RET: variants seen among roughly 807,000 people sequenced by gnomAD.
The protein encoded by RET is proto-oncogene tyrosine-protein kinase receptor Ret.
Under a neutral mutation model 118.3 loss-of-function variants are expected in RET, and 19 were observed. That is an observed-to-expected ratio of 0.16 (90% CI 0.11 to 0.24). The LOEUF is 0.24. Among genes scored for constraint, RET ranks in the 10% least tolerant of loss-of-function variants. The pLI is 1.00. For missense variants in RET, 1,219 were observed against 1,502.1 expected, an observed-to-expected ratio of 0.81 and a Z score of 3.12; for synonymous variants, 597 against 644.1, an observed-to-expected ratio of 0.93 and a Z score of 1.11.
rs2132941687 is a variant in RET, at chr10:43,119,516, T to C, written c.2393-15T>C. The C allele has an allele frequency of 6.3e-7, 1 of 1,584,598 alleles. No homozygotes were observed. Among genetic ancestry groups the C allele is most frequent in the Non-Finnish European group, 8.6e-7 (1 of 1,169,344 alleles). On this transcript the variant is annotated splice_polypyrimidine_tract_variant and intron_variant, in intron 13 of 19. Transcript: ENST00000355710. ...CCTGACCCGCACGCCCAGGGCCCCC[T>C]CTCTCCGCCCCCAGGCCCGCTCCTC...
chr10:43,127,930 A>G (rs1331444935), intron 19 of RET, among the ~76,000 whole-genome samples, 182 bp from the exon 20 acceptor site: 2 of 152,248 alleles, frequency 1.3e-5, no homozygotes, highest in Admixed American at 6.5e-5. Context: ...AAGAGAGCAC[A>G]TGATATTTCC....
chr10:43,079,605 G>C (rs1251490358), intron 1 of RET, among the ~76,000 whole-genome samples: 1 of 152,216 alleles, frequency 6.6e-6, no homozygotes, highest in Admixed American at 6.5e-5. Flanking sequence ...CAGCTCCTCA[G>C]CAAGCCTCTT....
intron 13 of RET, among the ~76,000 whole-genome samples, chr10:43,119,169 C>T (rs1838143512): frequency 6.6e-6 from 1 of 152,148 alleles, no homozygotes; most frequent in South Asian, 2.1e-4. Context: ...TCTGCGCAGG[C>T]CTCTGCCTCC....
At position 43,090,663 on chromosome 10, in the gene RET, T is replaced by TA. The variant is rs1486343360; in HGVS notation, c.74-9795dup. On this transcript the variant is annotated intron_variant, in intron 1 of 19. Transcript: ENST00000355710. ...ACAAACACAATCCAGGCCACTTTAT[T>TA]ATTATTTATTTCTTATTATATTTAT... Among the ~76,000 whole-genome samples, 16 of 152,162 alleles carry TA rather than the reference T, an allele frequency of 1.1e-4. No individual in the cohort carries two copies. In the East Asian group the frequency reaches 2.9e-3, roughly 28 times the overall value.
chr10:43,122,220 G>A (rs1053717898), intron 16 of RET, among the ~76,000 whole-genome samples: 4 of 152,156 alleles, frequency 2.6e-5, no homozygotes, highest in Non-Finnish European at 1.5e-5. Context: ...GGGCCAGGCC[G>A]GGCTGCAGTT....
At chr10:43,125,571 G>T (rs1438141553) in intron 18 of RET, among the ~76,000 whole-genome samples, 2 of 152,208 alleles carry the variant, frequency 1.3e-5, no homozygotes, top group African/African-American at 2.4e-5. Flanking sequence ...CATATCGGGG[G>T]GTGGCCAGAG....
At chr10:43,120,943 GAAA>G (rs752171952) in intron 15 of RET, among the ~76,000 whole-genome samples, 7 of 89,452 alleles carry the variant, frequency 7.8e-5, no homozygotes, top group East Asian at 2.6e-4. Context: ...AGAAGAAGAA[GAAA>G]AAAAAAAACC....
intron 1 of RET, among the ~76,000 whole-genome samples, chr10:43,097,043 C>T (rs990804487): frequency 6.6e-6 from 1 of 152,238 alleles, no homozygotes; most frequent in African/African-American, 2.4e-5. Context: ...CCACAAATCC[C>T]TTTTGGCAGC....
intron 7 of RET, 148 bp from the exon 8 acceptor site, chr10:43,111,951 C>G (rs1342142197): frequency 1.2e-5 from 14 of 1,154,798 alleles, no homozygotes; most frequent in Admixed American, 4.0e-5. Flanking sequence ...GCTCCTGGCA[C>G]TGTCTTTGCT....
Position 43,128,269 on chromosome 10 carries a change from A to G in RET, c.3345A>G (p.Ter1115=). The G allele has an allele frequency of 6.2e-7, 1 of 1,614,198 alleles. No individual in the cohort carries two copies. Among genetic ancestry groups the G allele is most frequent in the African/African-American group, 1.3e-5 (1 of 75,050 alleles). Residue 1115 remains the stop codon, a stop_retained_variant, in exon 20 of 20, where the codon TAA becomes TAG. Coordinates refer to ENST00000355710, the MANE Select transcript of RET (RefSeq NM_020975.6). ...AATTAATGGACACGTTTGATAGTTA[A>G]CATTTCTTTGTGAAAGGTAATGGAC... ...AAKLMDTFDS[*] is the part of the protein sequence containing the mutation.
chr10:43,105,426 G>A (rs1837748043), intron 4 of RET, among the ~76,000 whole-genome samples: 1 of 152,102 alleles, frequency 6.6e-6, no homozygotes, highest in South Asian at 2.1e-4. Context: ...AGGCCCGAGG[G>A]CTCGCGTCTG....
intron 1 of RET, among the ~76,000 whole-genome samples, chr10:43,083,289 C>T (rs1837223533): frequency 6.6e-6 from 1 of 152,230 alleles, no homozygotes; most frequent in South Asian, 2.1e-4. Context: ...CCGGGAAAGC[C>T]TCAAATTGTC....
At chr10:43,093,233 A>C (rs1387119777) in intron 1 of RET, among the ~76,000 whole-genome samples, 1 of 152,088 alleles carries the variant, frequency 6.6e-6, no homozygotes, top group Non-Finnish European at 1.5e-5. Context: ...AGAGGGTGCC[A>C]TGATTCAGTG....
Position 43,111,378 on chromosome 10 carries a change from G to A in RET, c.1435G>A (p.Ala479Thr), listed in dbSNP as rs2132772567. 6.2e-7 allele frequency: 1 copy of A among 1,614,042 alleles called. No individual in the cohort carries two copies. The highest frequency in any genetic ancestry group is 8.5e-7 in the Non-Finnish European group (1 of 1,180,042). The change falls in exon 7 of 20, where the codon GCC becomes ACC. Residue 479 changes from alanine (A) to threonine (T), a missense_variant. This residue lies in a region of RET where 850 missense variants were observed against 969.6 expected (regional missense o/e 0.88). Transcript: ENST00000355710. ...CAAGGCCCTGCGGCGGCCCAAGTGT[G>A]CCGAACTTCACTACATGGTGGTGGC... ...DTKALRRPKC[A>T]ELHYMVVATD...
intron 1 of RET, among the ~76,000 whole-genome samples, chr10:43,099,116 A>T (rs1374268788): frequency 2.0e-5 from 3 of 152,148 alleles, no homozygotes; most frequent in Non-Finnish European, 4.4e-5. Context: ...GCTTGGGCTC[A>T]CTCAGCCACA....
chr10:43,085,008 C>T (rs1837260250), intron 1 of RET, among the ~76,000 whole-genome samples: 1 of 152,206 alleles, frequency 6.6e-6, no homozygotes, highest in South Asian at 2.1e-4. Flanking sequence ...TGATTATCAT[C>T]ATTGCCGTGG....
At chr10:43,100,995 T>A (rs1837631598) in intron 2 of RET, among the ~76,000 whole-genome samples, 1 of 152,132 alleles carries the variant, frequency 6.6e-6, no homozygotes, top group South Asian at 2.1e-4. Flanking sequence ...CCTCTTCCAG[T>A]GGGGCTAAAA....
intron 12 of RET, among the ~76,000 whole-genome samples, chr10:43,117,565 C>T (rs957918054): frequency 4.6e-5 from 7 of 152,216 alleles, no homozygotes; most frequent in African/African-American, 1.7e-4. Context: ...GGACAGCTGA[C>T]CTGGGAGGGA....
At chr10:43,126,111 T>TG (rs1838322793) in intron 18 of RET, among the ~76,000 whole-genome samples, 1 of 152,058 alleles carries the variant, frequency 6.6e-6, no homozygotes, top group African/African-American at 2.4e-5. Flanking sequence ...CAGGGGTCCT[T>TG]GGGGAAAGCT....
Sources: gnomAD v4.1 joint callset for allele counts (sites outside exome capture counted in the v4.1 genomes callset) on GRCh38, gnomAD v4.1.1 for gene constraint, gnomAD v4.1.1 regional missense constraint, MANE v1.5 for transcripts, NCBI Gene and HGNC (gene_info 2026-07-23, HGNC 2026-07-21) for gene names.